Variants in ZMAT4 observed in about 807,000 individuals in gnomAD.
ZMAT4 encodes zinc finger matrin-type protein 4.
In ZMAT4, 17 loss-of-function variants were observed where a neutral mutation model predicts 28.7. That is an observed-to-expected ratio of 0.59 (90% CI 0.41 to 0.89). ZMAT4 has a LOEUF of 0.89. Ranked by LOEUF, ZMAT4 falls within the 40% of genes least tolerant of loss-of-function variation. The probability of loss-of-function intolerance (pLI) is 0.00; values close to 1 mark genes in which losing one functional copy is unlikely to be tolerated. For missense variants in ZMAT4, 240 were observed against 283.8 expected (o/e 0.85, Z 1.11); for synonymous variants, 117 against 109.2 (o/e 1.07, Z -0.44).
intron 5 of ZMAT4, among the ~76,000 whole-genome samples, chr8:40,588,121 C>T (rs1255531338): frequency 2.0e-5 from 3 of 151,886 alleles, no homozygotes; most frequent in Admixed American, 1.3e-4. Flanking sequence ...TCAATAATAA[C>T]ATTGACTATA....
intron 4 of ZMAT4, among the ~76,000 whole-genome samples, chr8:40,696,820 A>T (rs1450588099): frequency 1.3e-5 from 2 of 152,180 alleles, no homozygotes; most frequent in Admixed American, 1.3e-4. Flanking sequence ...CTCCCCTGCC[A>T]AGGTAAAAAA....
intron 6 of ZMAT4, among the ~76,000 whole-genome samples, chr8:40,536,226 C>A (rs748641669): frequency 1.3e-5 from 2 of 152,166 alleles, no homozygotes; most frequent in African/African-American, 2.4e-5. Context: ...TTTTCCCTGG[C>A]CAGTTCCTTT....
At chr8:40,660,788 A>G (rs181604739) in intron 5 of ZMAT4, among the ~76,000 whole-genome samples, 116 of 152,308 alleles carry the variant, frequency 7.6e-4, no homozygotes, top group African/African-American at 2.7e-3. Context: ...TTTGAAAAGC[A>G]AATTGTAGAG....
intron 5 of ZMAT4, among the ~76,000 whole-genome samples, chr8:40,619,614 C>T (rs1806127936): frequency 6.6e-6 from 1 of 152,182 alleles, no homozygotes; most frequent in Admixed American, 6.5e-5. Context: ...GGAGACAGGA[C>T]AGGCATGCAG....
chr8:40,607,469 G>A (rs1397042487), intron 5 of ZMAT4, among the ~76,000 whole-genome samples: 1 of 151,806 alleles, frequency 6.6e-6, no homozygotes, highest in Non-Finnish European at 1.5e-5. Context: ...CTTTGAGTTG[G>A]TATTCACCTT....
intron 5 of ZMAT4, among the ~76,000 whole-genome samples, chr8:40,667,187 G>A (rs1171225413): frequency 3.3e-5 from 5 of 149,750 alleles, no homozygotes; most frequent in African/African-American, 7.4e-5. Flanking sequence ...ACAGAGTCTC[G>A]CTCTGTCGCC....
intron 3 of ZMAT4, among the ~76,000 whole-genome samples, chr8:40,709,175 G>C (rs554497706): frequency 6.6e-6 from 1 of 152,212 alleles, no homozygotes; most frequent in South Asian, 2.1e-4. Flanking sequence ...TAGTACCTAA[G>C]AGAATATAAA....
At chr8:40,761,784 C>T (rs946529998) in intron 3 of ZMAT4, among the ~76,000 whole-genome samples, 2 of 152,154 alleles carry the variant, frequency 1.3e-5, no homozygotes, top group Admixed American at 6.5e-5. Flanking sequence ...AAAAATTCCA[C>T]GACAGAATAC....
chr8:40,536,198 C>A (rs1481693471), intron 6 of ZMAT4, among the ~76,000 whole-genome samples: 1 of 152,176 alleles, frequency 6.6e-6, no homozygotes. Context: ...AATAAATATT[C>A]AAGACAAAAG....
chr8:40,679,557 T>C (rs755267497), intron 4 of ZMAT4, among the ~76,000 whole-genome samples: 3 of 152,144 alleles, frequency 2.0e-5, no homozygotes, highest in Admixed American at 6.6e-5. Flanking sequence ...AGGCCCCTTA[T>C]AAAGCCATCA....
intron 1 of ZMAT4, among the ~76,000 whole-genome samples, chr8:40,860,760 A>G (rs1031522944): frequency 1.3e-5 from 2 of 152,202 alleles, no homozygotes; most frequent in Non-Finnish European, 2.9e-5. Flanking sequence ...TTGAAATGGG[A>G]GAAGCAGCAA....
intron 5 of ZMAT4, among the ~76,000 whole-genome samples, chr8:40,600,850 G>C (rs1191640900): frequency 2.0e-5 from 3 of 152,134 alleles, no homozygotes; most frequent in Non-Finnish European, 4.4e-5. Context: ...GCAAGCTGCT[G>C]CATCCTACTC....
intron 5 of ZMAT4, among the ~76,000 whole-genome samples, chr8:40,651,782 T>A (rs991138020): frequency 1.2e-4 from 17 of 143,988 alleles, no homozygotes; most frequent in Admixed American, 1.4e-4. Context: ...ACGCCGCATA[T>A]CTACAACTAT....
chr8:40,734,301 G>A lies in ZMAT4; in HGVS notation c.192+33340C>T, dbSNP rs141731026. On this transcript the variant is annotated intron_variant, in intron 3 of 6. Coordinates refer to ENST00000297737, the MANE Select transcript of ZMAT4 (RefSeq NM_024645.3). ...CCACTGCAACAATAAAAAACACCCT[G>A]GCACATTATTAAATGGCACTTAAGA... Among the ~76,000 whole-genome samples, 352 of 152,254 alleles carry A rather than the reference G, an allele frequency of 2.3e-3. 3 individuals are homozygous for A. Among genetic ancestry groups the A allele is most frequent in the African/African-American group, 7.9e-3 (329 of 41,542 alleles).
At chr8:40,589,947 T>C (rs1410358778) in intron 5 of ZMAT4, among the ~76,000 whole-genome samples, 1 of 82,896 alleles carries the variant, frequency 1.2e-5, no homozygotes, top group Non-Finnish European at 2.5e-5. Flanking sequence ...CTTCCTTCCT[T>C]CCTTCTTCCC....
chr8:40,741,834 G>A (rs1466037499), intron 3 of ZMAT4, among the ~76,000 whole-genome samples: 4 of 152,086 alleles, frequency 2.6e-5, no homozygotes, highest in Non-Finnish European at 5.9e-5. Flanking sequence ...AATTGTAAGA[G>A]ATTGGTTAAA....
rs1404254811 is a variant in ZMAT4 at position 40,531,428 on chromosome 8, G to T, written c.*795C>A. The T allele has an allele frequency of 6.6e-6, 1 of 152,328 alleles. No individual in the cohort carries two copies. The highest frequency in any genetic ancestry group is 2.4e-5 in the African/African-American group (1 of 41,426). The allele number at this position is 152,328 out of a possible 1,614,324, so 9.4% of individuals were successfully genotyped here. ...TACTTGTTTATTTCCATCTCATTCT[G>T]GGGTTTATAATTCTTCTTTTGGATG... is the stretch of plus-strand genomic sequence containing the variant. On this transcript the variant is annotated 3_prime_UTR_variant, in exon 7 of 7. Coordinates refer to ENST00000297737, the MANE Select transcript of ZMAT4 (RefSeq NM_024645.3).
intron 1 of ZMAT4, among the ~76,000 whole-genome samples, chr8:40,846,942 C>A (rs1416893739): frequency 2.0e-5 from 3 of 152,218 alleles, no homozygotes; most frequent in Non-Finnish European, 4.4e-5. Context: ...CACAGTGGCT[C>A]ATGCCTGTAA....
At chr8:40,821,913 C>T (rs906736601) in intron 2 of ZMAT4, among the ~76,000 whole-genome samples, 6 of 152,222 alleles carry the variant, frequency 3.9e-5, no homozygotes, top group African/African-American at 1.2e-4. Context: ...TCTCATTCCA[C>T]TCGCCCCTAA....
Sources: gnomAD v4.1 joint callset for allele counts (sites outside exome capture counted in the v4.1 genomes callset) on GRCh38, gnomAD v4.1.1 for gene constraint, MANE v1.5 for transcripts, NCBI Gene and HGNC (gene_info 2026-07-23, HGNC 2026-07-21) for gene names.